SPOCK3: variants seen among roughly 807,000 people sequenced by gnomAD.
The protein encoded by SPOCK3 is testican-3.
SPOCK3 carries 30 observed loss-of-function variants against 56.6 expected under a neutral mutation model. The ratio of observed to expected loss-of-function variants is 0.53; its 90% CI spans 0.40 to 0.72. The LOEUF (loss-of-function observed/expected upper bound fraction) is 0.72. Ranked by LOEUF, SPOCK3 falls within the 30% of genes least tolerant of loss-of-function variation. The pLI is 0.00. For missense variants in SPOCK3, 527 were observed against 530.0 expected (o/e 0.99, Z 0.06); for synonymous variants, 196 against 183.3 (o/e 1.07, Z -0.56).
In SPOCK3 at chr4:166,850,237, T is replaced by C. The variant is rs143302909; in HGVS notation, c.589+38893A>G. Among the ~76,000 whole-genome samples, 558 of 152,344 alleles carry C rather than the reference T, an allele frequency of 3.7e-3. 4 individuals carry two copies. The highest frequency in any genetic ancestry group is 0.013 in the African/African-American group (520 of 41,582). ...GGGTACCAATTTCTCTGCATCTTTA[T>C]CAACACTTATTATTTTCTGTTTTTT... On this transcript the variant is annotated intron_variant, in intron 6 of 10. Transcript: ENST00000357545.
chr4:166,766,624 A>G (rs895636027), intron 7 of SPOCK3, among the ~76,000 whole-genome samples: 2 of 152,188 alleles, frequency 1.3e-5, no homozygotes, highest in Non-Finnish European at 2.9e-5. Flanking sequence ...ATCAATGTTC[A>G]TCAGCGATAT....
intron 2 of SPOCK3, among the ~76,000 whole-genome samples, chr4:167,165,199 A>G (rs1486071482): frequency 6.6e-6 from 1 of 152,190 alleles, no homozygotes; most frequent in Non-Finnish European, 1.5e-5. Flanking sequence ...ACAAAAGCCA[A>G]AATTGACAAA....
chr4:167,107,574 C>G (rs1760274312), intron 2 of SPOCK3, among the ~76,000 whole-genome samples: 1 of 151,836 alleles, frequency 6.6e-6, no homozygotes, highest in African/African-American at 2.4e-5. Flanking sequence ...AGCCTTTCCT[C>G]TAAGATTGGG....
intron 3 of SPOCK3, among the ~76,000 whole-genome samples, chr4:167,062,207 G>A (rs1410336999): frequency 2.0e-5 from 3 of 151,770 alleles, no homozygotes; most frequent in Non-Finnish European, 4.4e-5. Flanking sequence ...GAAGTGACTT[G>A]TATCTACTGA....
chr4:166,796,570 C>G (rs976290299), intron 6 of SPOCK3, among the ~76,000 whole-genome samples: 15 of 152,090 alleles, frequency 9.9e-5, no homozygotes, highest in African/African-American at 3.6e-4. Context: ...CTTTATGTCA[C>G]AGATGATGAA....
chr4:166,850,652 C>T (rs966124213), intron 6 of SPOCK3, among the ~76,000 whole-genome samples: 17 of 152,338 alleles, frequency 1.1e-4, no homozygotes, highest in African/African-American at 3.4e-4. Context: ...TTGCCTCACT[C>T]GGGAAGCGCA....
At position 166,745,532 on chromosome 4, in the gene SPOCK3, A is replaced by G. The variant is rs1735495416; in HGVS notation, c.932-3473T>C. 2.6e-5 allele frequency among the ~76,000 whole-genome samples: 4 copies of G among 152,212 alleles called. No homozygotes were observed. In the South Asian group the frequency reaches 8.3e-4, roughly 31 times the overall value. Reference sequence around the variant, plus strand: ...ACAACCAGTAACAGCCACTGCAAAAACATGCCAAATTGTAAAGACCATTGA... The same window carrying G: ...ACAACCAGTAACAGCCACTGCAAAAGCATGCCAAATTGTAAAGACCATTGA... On this transcript the variant is annotated intron_variant, in intron 8 of 10. Transcript: ENST00000357545.
chr4:166,925,857 A>G (rs923389973), intron 4 of SPOCK3, among the ~76,000 whole-genome samples: 2 of 152,156 alleles, frequency 1.3e-5, no homozygotes, highest in Admixed American at 6.5e-5. Flanking sequence ...CTAAAATCCA[A>G]TTTATTTTAA....
intron 2 of SPOCK3, among the ~76,000 whole-genome samples, chr4:167,100,700 T>C (rs1424075061): frequency 6.6e-6 from 1 of 152,158 alleles, no homozygotes; most frequent in African/African-American, 2.4e-5. Context: ...ATGATTCTAT[T>C]TTATTGTATG....
intron 6 of SPOCK3, among the ~76,000 whole-genome samples, chr4:166,827,149 G>A (rs1294401396): frequency 6.6e-6 from 1 of 151,934 alleles, no homozygotes; most frequent in African/African-American, 2.4e-5. Context: ...AATATTTTCT[G>A]GAGCGTATAG....
chr4:167,074,250 A>C (rs1169047788), intron 2 of SPOCK3, among the ~76,000 whole-genome samples: 1 of 151,898 alleles, frequency 6.6e-6, no homozygotes, highest in Non-Finnish European at 1.5e-5. Flanking sequence ...ATTATGCCAA[A>C]ATTTAGCAGC....
At chr4:167,071,322 T>C (rs1050808987) in intron 2 of SPOCK3, among the ~76,000 whole-genome samples, 2 of 152,212 alleles carry the variant, frequency 1.3e-5, no homozygotes, top group East Asian at 3.9e-4. Context: ...ACATGTGCCA[T>C]GTTGGTTTGC....
intron 4 of SPOCK3, among the ~76,000 whole-genome samples, chr4:166,937,873 C>G (rs988370836): frequency 1.3e-5 from 2 of 149,892 alleles, no homozygotes; most frequent in African/African-American, 2.4e-5. Context: ...ACGCCATTCT[C>G]CTGCCTCAGC....
At chr4:167,230,649 T>A (rs1737083798) in intron 2 of SPOCK3, among the ~76,000 whole-genome samples, 1 of 152,106 alleles carries the variant, frequency 6.6e-6, no homozygotes, top group Non-Finnish European at 1.5e-5. Context: ...TACTTATGTT[T>A]AAATGTGTTG....
At chr4:167,122,114 T>C (rs1330586959) in intron 2 of SPOCK3, among the ~76,000 whole-genome samples, 1 of 151,568 alleles carries the variant, frequency 6.6e-6, no homozygotes, top group Non-Finnish European at 1.5e-5. Flanking sequence ...TTCTCTTCTC[T>C]TTTTTCTTTT....
intron 2 of SPOCK3, among the ~76,000 whole-genome samples, chr4:167,114,310 TA>T: frequency 2.0e-5 from 3 of 152,026 alleles, no homozygotes; most frequent in East Asian, 1.9e-4. Flanking sequence ...CAGTAACAGG[TA>T]AAAATACCTT....
chr4:166,737,594 G>A lies in SPOCK3; in HGVS notation c.1005C>T (p.Ile335=). ...AGTAACCATCTTCATCACACAGGGG[G>A]ATATACTGTCCTGTTGAAACAACAC... ...QGVKKLLGQY[I]PLCDEDGYYK... Residue 335 remains isoleucine (I), a synonymous_variant, in exon 10 of 11, where the codon ATC becomes ATT. Coordinates refer to ENST00000357545, the MANE Select transcript of SPOCK3 (RefSeq NM_001040159.2). The A allele has an allele frequency of 6.2e-7, 1 of 1,611,068 alleles. No individual in the cohort carries two copies. The highest frequency in any genetic ancestry group is 8.5e-7 in the Non-Finnish European group (1 of 1,178,766).
intron 3 of SPOCK3, among the ~76,000 whole-genome samples, chr4:167,019,210 A>T (rs897540759): frequency 2.6e-5 from 4 of 152,056 alleles, no homozygotes; most frequent in African/African-American, 9.7e-5. Context: ...TTGCATTTTG[A>T]GTTAAGCTTT....
chr4:167,104,216 T>C (rs1301173653), intron 2 of SPOCK3, among the ~76,000 whole-genome samples: 1 of 152,104 alleles, frequency 6.6e-6, no homozygotes, highest in Non-Finnish European at 1.5e-5. Context: ...CAGGAAAATA[T>C]GACCTTACAA....
Sources: gnomAD v4.1 joint callset for allele counts (sites outside exome capture counted in the v4.1 genomes callset) on GRCh38, gnomAD v4.1.1 for gene constraint, MANE v1.5 for transcripts, NCBI Gene and HGNC (gene_info 2026-07-23, HGNC 2026-07-21) for gene names.